SEMA3C: variants seen among roughly 807,000 people sequenced by gnomAD.
The protein encoded by SEMA3C is semaphorin 3C, also known as semaphorin-3C.
SEMA3C carries 47 observed loss-of-function variants against 89.4 expected under a neutral mutation model. The ratio of observed to expected loss-of-function variants is 0.53; its 90% CI spans 0.42 to 0.67. The LOEUF (loss-of-function observed/expected upper bound fraction) is 0.67, where lower values mean the gene tolerates loss of function less well. SEMA3C is among the 30% of genes least tolerant of loss of function. The probability of loss-of-function intolerance (pLI) is 0.00; values close to 1 mark genes in which losing one functional copy is unlikely to be tolerated. For missense variants in SEMA3C, 839 were observed against 929.1 expected (o/e 0.90, Z 1.26); for synonymous variants, 310 against 320.2 (o/e 0.97, Z 0.34).
chr7:80,775,891 A>T (rs149654421), intron 12 of SEMA3C, among the ~76,000 whole-genome samples: 1,776 of 152,238 alleles, frequency 0.012, 41 homozygotes, highest in African/African-American at 0.04. Context: ...TTTTAAAAAA[A>T]ATTATTTTCT....
At chr7:80,849,582 T>C (rs1040128093) in intron 2 of SEMA3C, among the ~76,000 whole-genome samples, 4 of 152,180 alleles carry the variant, frequency 2.6e-5, no homozygotes, top group Admixed American at 6.5e-5. Flanking sequence ...AAATAAACAC[T>C]ATAAGTGAGG....
At chr7:80,836,572 G>A (rs78471751) in intron 2 of SEMA3C, among the ~76,000 whole-genome samples, 5,505 of 151,948 alleles carry the variant, frequency 0.036, 321 homozygotes, top group East Asian at 0.25. Flanking sequence ...CAGCTACTCG[G>A]GAGGCTGAGG....
intron 6 of SEMA3C, 140 bp downstream of exon 6, chr7:80,810,471 A>G: frequency 1.7e-6 from 1 of 578,292 alleles, no homozygotes; most frequent in Non-Finnish European, 3.0e-6. Context: ...TGAACTCTCT[A>G]TTTCTCAGCT....
chr7:80,848,931 C>T (rs1332714565), intron 2 of SEMA3C, among the ~76,000 whole-genome samples: 1 of 152,086 alleles, frequency 6.6e-6, no homozygotes, highest in Non-Finnish European at 1.5e-5. Flanking sequence ...TGGATGCCCT[C>T]TTTTAAATCG....
rs558251057 is a variant in SEMA3C at position 80,785,957 on chromosome 7, T to C, written c.1354+3349A>G. The stretch of plus-strand genomic sequence containing the variant: ...ACTGGTTGTTAGAGACTCAGGTAAA[T>C]TGAAATCATTGTTTAAAAATTATAA... On this transcript the variant is annotated intron_variant, in intron 12 of 17. Coordinates refer to ENST00000265361, the MANE Select transcript of SEMA3C (RefSeq NM_006379.5). Among the ~76,000 whole-genome samples, 22 of 152,252 alleles carry C rather than the reference T, an allele frequency of 1.4e-4. 1 individual carries two copies. In the South Asian group the frequency reaches 3.5e-3, roughly 24 times the overall value.
rs1788110540 is a variant in SEMA3C, at chr7:80,758,342, T to A, written c.1632A>T (p.Pro544=). Residue 544 remains proline (P), a synonymous_variant, in exon 15 of 18, where the codon CCA becomes CCT. Transcript: ENST00000265361. ...WDGHSCSRFY[P]TGKRRSRRQD... Reference sequence around the variant, plus strand: ...TGTTTAGTGCTCACCGTTTCCCAGTTGGGTAGAATCTGGAACAGGAATGGC... The same window carrying A: ...TGTTTAGTGCTCACCGTTTCCCAGTAGGGTAGAATCTGGAACAGGAATGGC... The A allele has an allele frequency of 6.2e-7, 1 of 1,613,086 alleles. No homozygotes were observed. The highest frequency in any genetic ancestry group is 2.2e-5 in the East Asian group (1 of 44,848).
intron 2 of SEMA3C, among the ~76,000 whole-genome samples, chr7:80,874,177 C>T (rs1185956019): frequency 6.6e-6 from 1 of 152,096 alleles, no homozygotes; most frequent in Non-Finnish European, 1.5e-5. Flanking sequence ...TCCTTGAGGG[C>T]CTGAACTCAA....
intron 2 of SEMA3C, among the ~76,000 whole-genome samples, chr7:80,877,083 TGGA>T (rs1200576606): frequency 6.6e-6 from 1 of 152,186 alleles, no homozygotes; most frequent in South Asian, 2.1e-4. Context: ...CGATAAGTGG[TGGA>T]GATTACTTTT....
intron 2 of SEMA3C, among the ~76,000 whole-genome samples, chr7:80,857,474 A>C (rs1583947518): frequency 6.6e-6 from 1 of 152,316 alleles, no homozygotes; most frequent in Non-Finnish European, 1.5e-5. Flanking sequence ...CAGCCAGGAC[A>C]TCTCAGAATT....
intron 2 of SEMA3C, among the ~76,000 whole-genome samples, chr7:80,872,923 GAAAA>G (rs758696880): frequency 7.5e-5 from 6 of 79,636 alleles, no homozygotes; most frequent in Admixed American, 1.5e-4. Flanking sequence ...GAATGAGAGT[GAAAA>G]AAAAAAAAAA....
chr7:80,742,611 C>G lies in SEMA3C; in HGVS notation c.*2283G>C, dbSNP rs1459155921. The G allele has an allele frequency of 1.3e-5, 2 of 151,952 alleles. No individual in the cohort carries two copies. The highest frequency in any genetic ancestry group is 2.4e-5 in the African/African-American group (1 of 41,440). 9.4% of individuals were successfully genotyped at this position (151,952 alleles called of 1,614,324 possible). ...ATCCAATTAAATTTTAGTGTGACAA[C>G]TACATTTAGTTTGTTTTCTTACACA... is the stretch of plus-strand genomic sequence containing the variant. On this transcript the variant is annotated 3_prime_UTR_variant, in exon 18 of 18. Transcript: ENST00000265361.
intron 10 of SEMA3C, among the ~76,000 whole-genome samples, chr7:80,799,694 A>T (rs1311170502): frequency 6.6e-6 from 1 of 151,836 alleles, no homozygotes; most frequent in African/African-American, 2.4e-5. Flanking sequence ...ATAAATAAAT[A>T]AATAGAAAAA....
intron 2 of SEMA3C, among the ~76,000 whole-genome samples, chr7:80,830,977 A>C (rs920709923): frequency 1.3e-5 from 2 of 152,194 alleles, no homozygotes; most frequent in African/African-American, 4.8e-5. Context: ...CAAAGGTTGG[A>C]GAGGACACAG....
At chr7:80,909,257 T>C (rs1042362212) in intron 2 of SEMA3C, among the ~76,000 whole-genome samples, 4 of 152,184 alleles carry the variant, frequency 2.6e-5, no homozygotes, top group South Asian at 2.1e-4. Flanking sequence ...TAAGGTTTTC[T>C]TTCTGCTGGA....
In SEMA3C at chr7:80,841,793, T is replaced by G. The variant is rs115231230; in HGVS notation, c.104-13048A>C. On this transcript the variant is annotated intron_variant, in intron 2 of 17. Coordinates refer to ENST00000265361, the MANE Select transcript of SEMA3C (RefSeq NM_006379.5). Reference sequence around the variant, plus strand: ...ACTATATACCATAAAACCTCAAATTTAAAGGCCCAGACTTTATGAACAAAG... The same window carrying G: ...ACTATATACCATAAAACCTCAAATTGAAAGGCCCAGACTTTATGAACAAAG... 5.8e-3 allele frequency among the ~76,000 whole-genome samples: 877 copies of G among 152,242 alleles called. 15 individuals carry two copies. Among genetic ancestry groups the G allele is most frequent in the African/African-American group, 0.02 (820 of 41,532 alleles).
intron 10 of SEMA3C, among the ~76,000 whole-genome samples, chr7:80,800,355 T>C (rs923631657): frequency 2.0e-5 from 3 of 152,166 alleles, no homozygotes; most frequent in African/African-American, 4.8e-5. Context: ...TTCAGACATA[T>C]GTATACACTT....
chr7:80,753,532 T>TCA (rs1787985703), intron 15 of SEMA3C, among the ~76,000 whole-genome samples: 1 of 152,322 alleles, frequency 6.6e-6, no homozygotes, highest in South Asian at 2.1e-4. Context: ...AACATTGTTA[T>TCA]GGCTTGGCTT....
intron 2 of SEMA3C, among the ~76,000 whole-genome samples, chr7:80,878,945 G>T (rs979239468): frequency 1.3e-5 from 2 of 152,138 alleles, no homozygotes; most frequent in Non-Finnish European, 2.9e-5. Context: ...CTAAAGAAAA[G>T]AGTATTTTCA....
chr7:80,799,402 C>G (rs897197785), intron 10 of SEMA3C, among the ~76,000 whole-genome samples: 1 of 151,674 alleles, frequency 6.6e-6, no homozygotes, highest in African/African-American at 2.4e-5. Flanking sequence ...AGGAATATGC[C>G]TACTATAAAA....
Sources: allele counts gnomAD v4.1 joint callset (sites outside exome capture counted in the v4.1 genomes callset), GRCh38; gene constraint gnomAD v4.1.1; transcripts MANE v1.5; gene names NCBI Gene and HGNC (gene_info 2026-07-23, HGNC 2026-07-21).